ZNF506: variants seen among roughly 807,000 people sequenced by gnomAD.
The protein encoded by ZNF506 is zinc finger protein 506.
ZNF506 carries 10 observed loss-of-function variants against 11.6 expected under a neutral mutation model. The observed-to-expected ratio is 0.86, with a 90% CI of 0.53 to 1.46. ZNF506 has a LOEUF of 1.46. ZNF506 is among the 40% of genes most tolerant of loss of function. ZNF506 has a pLI of 0.00. For missense variants in ZNF506, 425 were observed against 521.2 expected (o/e 0.82, Z 1.80); for synonymous variants, 156 against 173.3 (o/e 0.90, Z 0.78).
chr19:19,816,989 CA>C (rs2062938060), intron 1 of ZNF506, among the ~76,000 whole-genome samples: 1 of 151,748 alleles, frequency 6.6e-6, no homozygotes, highest in African/African-American at 2.4e-5. Flanking sequence ...TTAGTAGAGA[CA>C]GGGTTTCTTC....
Position 19,800,391 on chromosome 19 carries a change from A to AATATATATATATATTTATATATATAT in ZNF506, c.227-4732_227-4731insATATATATATAAATATATATATATAT, listed in dbSNP as rs1555771286. ...CAACATAATTAATATAACTAAACAG[A>AATATATATATATATTTATATATATAT]ATATATATATATATATATATATTTA... On this transcript the variant is annotated intron_variant, in intron 3 of 3. Coordinates refer to ENST00000540806, the MANE Select transcript of ZNF506 (RefSeq NM_001099269.3). 9.3e-5 allele frequency among the ~76,000 whole-genome samples: 13 copies of AATATATATATATATTTATATATATAT among 139,236 alleles called. No homozygotes were observed. In the East Asian group the frequency reaches 1.4e-3, roughly 15 times the overall value. The allele number at this position is 139,236 out of a possible 152,430, so 91.3% of individuals were successfully genotyped here. A position where few individuals can be genotyped will look rare whatever the true frequency, so the allele number is the denominator to read the frequency against.
intron 3 of ZNF506, among the ~76,000 whole-genome samples, chr19:19,805,119 TA>T (rs917555038): frequency 4.6e-5 from 7 of 152,150 alleles, no homozygotes; most frequent in Admixed American, 1.3e-4. Context: ...AAAACCTGTC[TA>T]AACCAATAAA....
intron 1 of ZNF506, among the ~76,000 whole-genome samples, chr19:19,812,383 C>T (rs1439727869): frequency 1.3e-5 from 2 of 152,250 alleles, no homozygotes; most frequent in East Asian, 1.9e-4. Flanking sequence ...AACTCCACAA[C>T]CTGGATCACC....
intron 3 of ZNF506, among the ~76,000 whole-genome samples, chr19:19,803,680 C>CGA (rs2062812745): frequency 6.6e-6 from 1 of 151,924 alleles, no homozygotes; most frequent in Non-Finnish European, 1.5e-5. Context: ...GAGGGAATCT[C>CGA]ATCACACTAA....
intron 1 of ZNF506, among the ~76,000 whole-genome samples, chr19:19,811,732 G>A (rs1457152488): frequency 6.6e-6 from 1 of 152,046 alleles, no homozygotes; most frequent in Non-Finnish European, 1.5e-5. Flanking sequence ...AATCAGGGTG[G>A]CAGAGGTTGC....
chr19:19,808,613 G>A (rs141110858), intron 1 of ZNF506, among the ~76,000 whole-genome samples: 1,976 of 151,176 alleles, frequency 0.013, 36 homozygotes, highest in Non-Finnish European at 0.016. Flanking sequence ...TGGGAGGCAC[G>A]AGGTGGGCGG....
intron 3 of ZNF506, among the ~76,000 whole-genome samples, chr19:19,804,727 T>C (rs2062821911): frequency 6.6e-6 from 1 of 152,146 alleles, no homozygotes; most frequent in Non-Finnish European, 1.5e-5. Flanking sequence ...ATGTGGCACA[T>C]ATTCACCATG....
intron 3 of ZNF506, chr19:19,798,747 AAAACTT>A (rs1348902378): frequency 2.6e-5 from 4 of 151,796 alleles, no homozygotes; most frequent in African/African-American, 9.7e-5. Context: ...AAAAATAAAA[AAAACTT>A]AAAAAGGAGA....
chr19:19,808,108 C>CTTTTTTTTTTTTTTTTTTTTT lies in ZNF506; in HGVS notation c.4-1061_4-1041dup, dbSNP rs757160026. ...ACTTAACCAAGTGAATCATTAACCA[C>CTTTTTTTTTTTTTTTTTTTTT]TTTTTTTTTTTTTTTTTTTTTTTTT... On this transcript the variant is annotated intron_variant, in intron 1 of 3. Transcript: ENST00000540806. 1.1e-4 allele frequency among the ~76,000 whole-genome samples: 6 copies of CTTTTTTTTTTTTTTTTTTTTT among 56,730 alleles called. 1 individual carries two copies. The highest frequency in any genetic ancestry group is 3.1e-4 in the African/African-American group (4 of 12,936). 37.2% of individuals were successfully genotyped at this position (56,730 alleles called of 152,430 possible). A position where few individuals can be genotyped will look rare whatever the true frequency, so the allele number is the denominator to read the frequency against.
intron 3 of ZNF506, among the ~76,000 whole-genome samples, chr19:19,804,325 T>G (rs2062817882): frequency 6.6e-6 from 1 of 152,096 alleles, no homozygotes; most frequent in African/African-American, 2.4e-5. Context: ...AACAGACACA[T>G]GAAAAAATGT....
Position 19,806,956 on chromosome 19 carries a change from T to C in ZNF506, c.116A>G (p.Asn39Ser), listed in dbSNP as rs2062840078. The C allele has an allele frequency of 6.2e-7, 1 of 1,613,352 alleles. No individual in the cohort carries two copies. The change falls in exon 2 of 4, where the codon AAC (asparagine) becomes AGC (serine). Residue 39 changes from asparagine to serine, a missense_variant. Asn to Ser is a conservative substitution (Grantham distance 46). Around this residue, in one of 3 missense-constraint regions of ZNF506, gnomAD observed 226 missense variants for 279.1 expected, o/e 0.81. Transcript: ENST00000540806. The stretch of plus-strand genomic sequence containing the variant: ...GTTATCCTCACCAAGGAAGATCAGG[T>C]TTCTGTAGTTCTCTAACATCACATC... ...YRDVMLENYR[N>S]LIFLGIVVSK...
chr19:19,797,994 A>G (rs2062757302), intron 3 of ZNF506: 3 of 152,226 alleles, frequency 2.0e-5, no homozygotes, highest in African/African-American at 7.2e-5. Flanking sequence ...AAGGATGCTG[A>G]AAGGAGTTTT....
chr19:19,792,990 T>TA lies in ZNF506; in HGVS notation c.*1561dup, dbSNP rs2145165369. On this transcript the variant is annotated 3_prime_UTR_variant, in exon 4 of 4. Transcript: ENST00000540806. ...TTATAGAAAAGGTCATAATACCCAA[T>TA]AAAAAAGAATCTGTAATATCCCTGA... is the stretch of plus-strand genomic sequence containing the variant. Among the ~76,000 whole-genome samples, 1 of 152,250 alleles carries TA rather than the reference T, an allele frequency of 6.6e-6. No individual in the cohort carries two copies. The highest frequency in any genetic ancestry group is 2.1e-4 in the South Asian group (1 of 4,826).
chr19:19,801,759 C>A (rs568868429), intron 3 of ZNF506, among the ~76,000 whole-genome samples: 17 of 151,762 alleles, frequency 1.1e-4, no homozygotes, highest in Admixed American at 9.8e-4. Context: ...CCACTGCAAT[C>A]CAGCCTGGGT....
intron 1 of ZNF506, among the ~76,000 whole-genome samples, chr19:19,815,239 A>G (rs2062920581): frequency 6.6e-6 from 1 of 152,182 alleles, no homozygotes; most frequent in South Asian, 2.1e-4. Flanking sequence ...CAGCCTGGGC[A>G]ACACAGCGAG....
Position 19,794,075 on chromosome 19 carries a change from C to G in ZNF506, c.*477G>C, listed in dbSNP as rs967531916. 1 of 156,082 alleles carries G rather than the reference C, an allele frequency of 6.4e-6. No individual in the cohort carries two copies. The highest frequency in any genetic ancestry group is 1.4e-5 in the Non-Finnish European group (1 of 70,618). 9.7% of individuals were successfully genotyped at this position (156,082 alleles called of 1,614,324 possible). A position where few individuals can be genotyped will look rare whatever the true frequency, so the allele number is the denominator to read the frequency against. ...CTGTCATCTCAGCACTTTAGGATGC[C>G]GAGGTGGGTGGACCATCTGAGGTCA... On this transcript the variant is annotated 3_prime_UTR_variant, in exon 4 of 4. Coordinates refer to ENST00000540806, the MANE Select transcript of ZNF506 (RefSeq NM_001099269.3).
At position 19,793,120 on chromosome 19, in the gene ZNF506, A is replaced by G. The variant is rs1010197506; in HGVS notation, c.*1432T>C. ...TATTACATCATTATTCACTGTTCAA[A>G]AATTTTTTTCAAGAAACAAGTACAC... On this transcript the variant is annotated 3_prime_UTR_variant, in exon 4 of 4. Coordinates refer to ENST00000540806, the MANE Select transcript of ZNF506 (RefSeq NM_001099269.3). Among the ~76,000 whole-genome samples the G allele has an allele frequency of 6.6e-6, 1 of 151,804 alleles. No individual in the cohort carries two copies. The highest frequency in any genetic ancestry group is 2.4e-5 in the African/African-American group (1 of 41,122).
At chr19:19,810,906 A>G (rs1020729612) in intron 1 of ZNF506, among the ~76,000 whole-genome samples, 1 of 151,910 alleles carries the variant, frequency 6.6e-6, no homozygotes, top group Non-Finnish European at 1.5e-5. Context: ...GTGAGGCAAG[A>G]CTCCATGGTA....
intron 1 of ZNF506, among the ~76,000 whole-genome samples, chr19:19,814,536 T>C (rs1163779230): frequency 2.0e-5 from 3 of 151,902 alleles, no homozygotes; most frequent in Non-Finnish European, 4.4e-5. Context: ...CACTGAGGCC[T>C]AGTTGAGGGT....
Sources: gnomAD v4.1 joint callset for allele counts (sites outside exome capture counted in the v4.1 genomes callset) on GRCh38, gnomAD v4.1.1 for gene constraint, gnomAD v4.1.1 regional missense constraint, MANE v1.5 for transcripts, NCBI Gene and HGNC (gene_info 2026-07-23, HGNC 2026-07-21) for gene names.